Variants in CDH20 observed in about 807,000 individuals in gnomAD.
CDH20 encodes the protein cadherin 20, also known as cadherin-20.
Under a neutral mutation model 74.2 loss-of-function variants are expected in CDH20, and 29 were observed. The observed-to-expected ratio is 0.39, with a 90% confidence interval of 0.29 to 0.53. The LOEUF (loss-of-function observed/expected upper bound fraction) is 0.53. CDH20 is among the 20% of genes least tolerant of loss of function. CDH20 has a pLI of 0.69. For synonymous variants in CDH20, 469 were observed against 405.4 expected, an observed-to-expected ratio of 1.16 and a Z score of -1.88; for missense variants, 988 against 1,048.3, an observed-to-expected ratio of 0.94 and a Z score of 0.79.
At chr18:61,365,540 G>C (rs1910828742) in intron 1 of CDH20, among the ~76,000 whole-genome samples, 1 of 152,130 alleles carries the variant, frequency 6.6e-6, no homozygotes, top group Non-Finnish European at 1.5e-5. Flanking sequence ...AAAAATAGGA[G>C]TTTTAATCAA....
intron 1 of CDH20, among the ~76,000 whole-genome samples, chr18:61,408,524 G>A (rs1282611042): frequency 6.6e-6 from 1 of 152,132 alleles, no homozygotes; most frequent in Admixed American, 6.5e-5. Context: ...TATAATGAAC[G>A]ATATATGATT....
At chr18:61,532,622 A>C (rs1912685994) in intron 7 of CDH20, among the ~76,000 whole-genome samples, 1 of 151,862 alleles carries the variant, frequency 6.6e-6, no homozygotes, top group African/African-American at 2.4e-5. Context: ...ACTGCATGTG[A>C]TAGTTTGGCA....
At chr18:61,424,394 A>G (rs1166406143) in intron 1 of CDH20, among the ~76,000 whole-genome samples, 2 of 152,256 alleles carry the variant, frequency 1.3e-5, no homozygotes, top group South Asian at 4.1e-4. Context: ...TGGGAGGCCT[A>G]CAGAAACCAA....
At chr18:61,497,100 AAAGAAAG>A (rs1488291378) in intron 2 of CDH20, among the ~76,000 whole-genome samples, 11 of 137,748 alleles carry the variant, frequency 8.0e-5, no homozygotes, top group African/African-American at 1.6e-4. Context: ...TAAAAAAAAA[AAAGAAAG>A]AAAGAAAGAA....
chr18:61,483,118 T>A (rs1910644223), intron 1 of CDH20, among the ~76,000 whole-genome samples: 1 of 152,178 alleles, frequency 6.6e-6, no homozygotes, highest in African/African-American at 2.4e-5. Context: ...TGGAAATCAT[T>A]TCTCCCTTTT....
chr18:61,431,027 C>A (rs559999815), intron 1 of CDH20, among the ~76,000 whole-genome samples: 1 of 152,270 alleles, frequency 6.6e-6, no homozygotes, highest in East Asian at 1.9e-4. Flanking sequence ...TATATGTGAA[C>A]TTGTAGACCT....
chr18:61,351,503 T>C (rs1309323314), intron 1 of CDH20, among the ~76,000 whole-genome samples: 1 of 152,192 alleles, frequency 6.6e-6, no homozygotes, highest in Non-Finnish European at 1.5e-5. Flanking sequence ...TGATTATCAA[T>C]ATAAAACATT....
intron 6 of CDH20, among the ~76,000 whole-genome samples, chr18:61,527,114 A>G (rs1912439045): frequency 6.6e-6 from 1 of 152,162 alleles, no homozygotes; most frequent in South Asian, 2.1e-4. Context: ...TGGGAGGTGG[A>G]GGTTGCAATG....
chr18:61,344,873 A>T (rs1207512036), intron 1 of CDH20, among the ~76,000 whole-genome samples: 2 of 152,232 alleles, frequency 1.3e-5, no homozygotes, highest in African/African-American at 4.8e-5. Context: ...TAATTTTATC[A>T]TTGGAGATCA....
chr18:61,490,124 T>C (rs1456937203), intron 1 of CDH20, among the ~76,000 whole-genome samples: 3 of 152,162 alleles, frequency 2.0e-5, no homozygotes, highest in African/African-American at 2.4e-5. Flanking sequence ...TAATACAGTA[T>C]AACCCTCCAG....
intron 1 of CDH20, among the ~76,000 whole-genome samples, chr18:61,392,592 G>T (rs901096384): frequency 6.6e-6 from 1 of 152,070 alleles, no homozygotes; most frequent in African/African-American, 2.4e-5. Context: ...TCCATGCTGA[G>T]CACAAGGACC....
chr18:61,491,516 C>A (rs1241432746), intron 2 of CDH20, among the ~76,000 whole-genome samples: 1 of 152,140 alleles, frequency 6.6e-6, no homozygotes, highest in Non-Finnish European at 1.5e-5. Flanking sequence ...AGGCTGGGAG[C>A]ATGGGTTTCA....
intron 2 of CDH20, among the ~76,000 whole-genome samples, chr18:61,497,030 TAC>T (rs1911189577): frequency 6.7e-6 from 1 of 148,940 alleles, no homozygotes; most frequent in Non-Finnish European, 1.5e-5. Context: ...CTTTCTATTC[TAC>T]ACAACAAGAG....
At chr18:61,487,016 G>A (rs1202461488) in intron 1 of CDH20, among the ~76,000 whole-genome samples, 1 of 152,176 alleles carries the variant, frequency 6.6e-6, no homozygotes, top group Non-Finnish European at 1.5e-5. Context: ...TTCACTGAAA[G>A]CACACTTTAT....
At chr18:61,382,113 G>T (rs763329254) in intron 1 of CDH20, among the ~76,000 whole-genome samples, 3 of 152,036 alleles carry the variant, frequency 2.0e-5, no homozygotes, top group Non-Finnish European at 2.9e-5. Context: ...CTAAACTTCA[G>T]ACACATCTAA....
intron 6 of CDH20, among the ~76,000 whole-genome samples, chr18:61,525,868 G>A (rs1451367254): frequency 1.3e-5 from 2 of 151,674 alleles, no homozygotes; most frequent in African/African-American, 4.9e-5. Context: ...GTGCAGTGGT[G>A]CCATCATAGC....
At chr18:61,356,423 T>C (rs1438205928) in intron 1 of CDH20, among the ~76,000 whole-genome samples, 1 of 152,228 alleles carries the variant, frequency 6.6e-6, no homozygotes, top group African/African-American at 2.4e-5. Context: ...AAGTGAAATA[T>C]TATTTCAACA....
intron 1 of CDH20, among the ~76,000 whole-genome samples, chr18:61,386,264 G>A (rs1400314111): frequency 6.6e-6 from 1 of 152,188 alleles, no homozygotes; most frequent in African/African-American, 2.4e-5. Context: ...ATTTGGAGGT[G>A]TGGCCTTTGG....
intron 1 of CDH20, among the ~76,000 whole-genome samples, chr18:61,420,738 T>G (rs947635800): frequency 3.3e-5 from 5 of 152,142 alleles, no homozygotes; most frequent in Non-Finnish European, 1.5e-5. Context: ...ACCACATTCC[T>G]TGCTGATCCT....
Sources: gnomAD v4.1 joint callset for allele counts (sites outside exome capture counted in the v4.1 genomes callset) on GRCh38, gnomAD v4.1.1 for gene constraint, MANE v1.5 for transcripts, NCBI Gene and HGNC (gene_info 2026-07-23, HGNC 2026-07-21) for gene names.